Variants in PDCD2L observed in about 807,000 individuals in gnomAD.
PDCD2L encodes uS5 assembly chaperone PDCD2L.
A neutral mutation model predicts 40.4 loss-of-function variants in PDCD2L; 44 were observed. That is an observed-to-expected ratio of 1.09 (90% CI 0.86 to 1.40). The LOEUF (loss-of-function observed/expected upper bound fraction) is 1.40. PDCD2L is among the 40% of genes most tolerant of loss of function. The pLI is 0.00. For missense variants in PDCD2L, 470 were observed against 453.7 expected (o/e 1.04, Z -0.33); for synonymous variants, 194 against 174.6 (o/e 1.11, Z -0.88).
At chr19:34,417,737 A>G (rs900331920) in intron 5 of PDCD2L, among the ~76,000 whole-genome samples, 4 of 152,236 alleles carry the variant, frequency 2.6e-5, no homozygotes, top group African/African-American at 7.2e-5. Context: ...CAGAGAGAAG[A>G]TGGTATCTTT....
At chr19:34,417,501 G>A (rs966321186) in intron 5 of PDCD2L, among the ~76,000 whole-genome samples, 7 of 151,992 alleles carry the variant, frequency 4.6e-5, no homozygotes, top group South Asian at 4.2e-4. Flanking sequence ...CCAGCTATTC[G>A]GGAGGCTGAG....
intron 6 of PDCD2L, among the ~76,000 whole-genome samples, chr19:34,424,191 G>T (rs1368429898): frequency 6.6e-6 from 1 of 152,012 alleles, no homozygotes; most frequent in African/African-American, 2.4e-5. Context: ...TAGTCTCTGA[G>T]ATTTTTCACT....
chr19:34,419,698 T>C (rs1478848172), intron 5 of PDCD2L, among the ~76,000 whole-genome samples: 1 of 151,472 alleles, frequency 6.6e-6, no homozygotes, highest in Non-Finnish European at 1.5e-5. Context: ...TTTAACCTGC[T>C]TGTCAGTGAC....
chr19:34,423,755 C>G (rs2075163773), intron 6 of PDCD2L, among the ~76,000 whole-genome samples: 2 of 151,778 alleles, frequency 1.3e-5, no homozygotes, highest in South Asian at 4.2e-4. Flanking sequence ...TCCCAAAGTG[C>G]TGGGATTTAC....
intron 5 of PDCD2L, among the ~76,000 whole-genome samples, 195 bp downstream of exon 5, chr19:34,414,042 C>A (rs551897423): frequency 6.6e-6 from 1 of 152,104 alleles, no homozygotes; most frequent in Non-Finnish European, 1.5e-5. Context: ...AGGTAAAGTG[C>A]ACTCACTTGT....
At chr19:34,415,712 G>T (rs111546224) in intron 5 of PDCD2L, among the ~76,000 whole-genome samples, 2 of 152,280 alleles carry the variant, frequency 1.3e-5, no homozygotes, top group African/African-American at 4.8e-5. Context: ...AAAGGGCTTA[G>T]TACCATAAAA....
chr19:34,411,364 C>T (rs1006864396), intron 4 of PDCD2L, among the ~76,000 whole-genome samples: 9 of 151,574 alleles, frequency 5.9e-5, no homozygotes, highest in African/African-American at 1.7e-4. Context: ...CTCAGCCTCC[C>T]GAGTAGCTGG....
chr19:34,420,181 G>A (rs2075144076), intron 5 of PDCD2L, among the ~76,000 whole-genome samples: 1 of 151,880 alleles, frequency 6.6e-6, no homozygotes, highest in Non-Finnish European at 1.5e-5. Context: ...AGTGGAGATG[G>A]GGTTTCACCA....
At chr19:34,419,739 CT>C (rs1389600048) in intron 5 of PDCD2L, among the ~76,000 whole-genome samples, 2 of 91,080 alleles carry the variant, frequency 2.2e-5, no homozygotes, top group Admixed American at 1.1e-4. Context: ...TATTTTGTTC[CT>C]TTTTTGTCTT....
intron 3 of PDCD2L, among the ~76,000 whole-genome samples, chr19:34,408,286 A>G (rs757410256): frequency 8.6e-5 from 13 of 151,940 alleles, no homozygotes; most frequent in Non-Finnish European, 1.3e-4. Flanking sequence ...GTGTTTGCCT[A>G]TATTTGTCAG....
In PDCD2L at chr19:34,404,422, C is replaced by T. The variant is rs1436931855; in HGVS notation, c.-9C>T. 16 of 1,540,018 alleles carry T rather than the reference C, an allele frequency of 1.0e-5. No homozygotes were observed. The highest frequency in any genetic ancestry group is 8.1e-5 in the Admixed American group (4 of 49,222). On this transcript the variant is annotated 5_prime_UTR_variant, in exon 1 of 7. Coordinates refer to ENST00000246535, the MANE Select transcript of PDCD2L (RefSeq NM_032346.2). The stretch of plus-strand genomic sequence containing the variant: ...GTAGTTTGCGTTTTCACCTGGTCGC[C>T]CGGCGGCCATGGCGGCCGTTCTGAA...
At chr19:34,422,816 T>C (rs905186951) in intron 6 of PDCD2L, among the ~76,000 whole-genome samples, 3 of 151,558 alleles carry the variant, frequency 2.0e-5, no homozygotes, top group African/African-American at 7.3e-5. Context: ...CCCGGGTTCA[T>C]GCCATTCTCC....
At chr19:34,411,802 C>T (rs2075104506) in intron 4 of PDCD2L, among the ~76,000 whole-genome samples, 1 of 150,814 alleles carries the variant, frequency 6.6e-6, no homozygotes, top group African/African-American at 2.4e-5. Context: ...TTACAGGTAC[C>T]CGCCACCACA....
intron 6 of PDCD2L, among the ~76,000 whole-genome samples, chr19:34,425,119 G>A (rs1478304176): frequency 1.3e-5 from 2 of 151,702 alleles, no homozygotes; most frequent in African/African-American, 4.8e-5. Context: ...TCATCCTCTT[G>A]ACTCCTGCTT....
intron 3 of PDCD2L, among the ~76,000 whole-genome samples, chr19:34,407,117 G>A (rs1344789659): frequency 2.6e-5 from 4 of 152,020 alleles, no homozygotes; most frequent in African/African-American, 4.8e-5. Context: ...GATTACAGGC[G>A]TGAGCCACCA....
At chr19:34,404,902 C>A in intron 2 of PDCD2L, 28 bp from the exon 3 acceptor site, 1 of 1,613,696 alleles carries the variant, frequency 6.2e-7, no homozygotes. Flanking sequence ...GGGTGCAGCC[C>A]TCACGGCCCT....
chr19:34,404,944 G>T lies in PDCD2L; in HGVS notation c.290G>T (p.Arg97Leu), dbSNP rs2075066821. Residue 97 changes from arginine to leucine, a missense_variant, in exon 3 of 7, where the codon CGC (arginine) becomes CTC (leucine). Arg to Leu is a moderately radical substitution (Grantham distance 102). Coordinates refer to ENST00000246535, the MANE Select transcript of PDCD2L (RefSeq NM_032346.2). ...TGGARSWKVF[R>L]SQCLQVPERE... Reference sequence around the variant, plus strand: ...TCACCCCGAAGCTGGAAGGTGTTCCGCTCCCAGTGCCTGCAGGTGCCAGAG... The same window carrying T: ...TCACCCCGAAGCTGGAAGGTGTTCCTCTCCCAGTGCCTGCAGGTGCCAGAG... 1.2e-6 allele frequency: 2 copies of T among 1,614,132 alleles called. No homozygotes were observed. Among genetic ancestry groups the T allele is most frequent in the Non-Finnish European group, 1.7e-6 (2 of 1,180,026 alleles).
intron 4 of PDCD2L, among the ~76,000 whole-genome samples, chr19:34,411,963 C>CATACATAT (rs1555724498): frequency 7.3e-6 from 1 of 137,672 alleles, no homozygotes; most frequent in Non-Finnish European, 1.5e-5. Context: ...ATGAAAAATA[C>CATACATAT]ATATATATAT....
rs746523850 is a variant in PDCD2L at position 34,409,508 on chromosome 19, A to T, written c.684A>T (p.Gln228His). ...EGIAMDQLLS[Q>H]SLPNDGDEKY... Reference sequence around the variant, plus strand: ...TTGCCATGGATCAGTTGCTTTCCCAAAGGTGAGGATGTGTGCTGCTGAGGT... The same window carrying T: ...TTGCCATGGATCAGTTGCTTTCCCATAGGTGAGGATGTGTGCTGCTGAGGT... The change falls in exon 4 of 7, where the codon CAA becomes CAT. Residue 228 changes from glutamine (Q) to histidine (H), a missense_variant and splice_region_variant. Physicochemically the swap from Gln to His is conservative, Grantham distance 24. Transcript: ENST00000246535. 1 of 1,612,846 alleles carries T rather than the reference A, an allele frequency of 6.2e-7. No individual in the cohort carries two copies. Among genetic ancestry groups the T allele is most frequent in the Non-Finnish European group, 8.5e-7 (1 of 1,179,288 alleles).
Sources: gnomAD v4.1 joint callset for allele counts (sites outside exome capture counted in the v4.1 genomes callset) on GRCh38, gnomAD v4.1.1 for gene constraint, MANE v1.5 for transcripts, NCBI Gene and HGNC (gene_info 2026-07-23, HGNC 2026-07-21) for gene names.